UNC5D: variants seen among roughly 807,000 people sequenced by gnomAD.
The protein encoded by UNC5D is netrin receptor UNC5D.
In UNC5D, 39 loss-of-function variants were observed where a neutral mutation model predicts 105.4. That is an observed-to-expected ratio of 0.37 (90% CI 0.29 to 0.48). The LOEUF (loss-of-function observed/expected upper bound fraction) is 0.48. UNC5D is among the 20% of genes least tolerant of loss of function. UNC5D has a pLI of 0.98. For missense variants in UNC5D, 991 were observed against 1,202.4 expected, an observed-to-expected ratio of 0.82 and a Z score of 2.60; for synonymous variants, 452 against 450.4, an observed-to-expected ratio of 1.00 and a Z score of -0.04.
chr8:35,782,589 C>T (rs1266585484), intron 16 of UNC5D, among the ~76,000 whole-genome samples: 5 of 151,566 alleles, frequency 3.3e-5, no homozygotes, highest in African/African-American at 7.3e-5. Flanking sequence ...CTGCAACCTC[C>T]ACCTCCTGGG....
chr8:35,397,140 A>G (rs1185785067), intron 1 of UNC5D, among the ~76,000 whole-genome samples: 1 of 152,130 alleles, frequency 6.6e-6, no homozygotes, highest in African/African-American at 2.4e-5. Context: ...TCCTGACCTC[A>G]GGTGATGTGC....
intron 7 of UNC5D, among the ~76,000 whole-genome samples, chr8:35,700,700 A>T (rs1434316763): frequency 6.6e-6 from 1 of 152,182 alleles, no homozygotes; most frequent in Non-Finnish European, 1.5e-5. Context: ...TAATAGATTT[A>T]TCAGACTAGT....
At chr8:35,380,096 G>GGA (rs1802936952) in intron 1 of UNC5D, among the ~76,000 whole-genome samples, 1 of 87,542 alleles carries the variant, frequency 1.1e-5, no homozygotes. Flanking sequence ...GTGGGGGGGG[G>GGA]GTCGGGGAGA....
At chr8:35,742,915 C>T (rs905073246) in intron 11 of UNC5D, among the ~76,000 whole-genome samples, 1 of 152,158 alleles carries the variant, frequency 6.6e-6, no homozygotes, top group African/African-American at 2.4e-5. Context: ...TCATCATCCT[C>T]CACTGTGTGT....
intron 8 of UNC5D, among the ~76,000 whole-genome samples, chr8:35,708,966 G>T (rs1827772571): frequency 6.6e-6 from 1 of 152,036 alleles, no homozygotes; most frequent in African/African-American, 2.4e-5. Flanking sequence ...CATCAACTCA[G>T]TGTGTAGGGC....
At chr8:35,451,489 C>G (rs565520806) in intron 1 of UNC5D, among the ~76,000 whole-genome samples, 1 of 152,062 alleles carries the variant, frequency 6.6e-6, no homozygotes, top group Non-Finnish European at 1.5e-5. Context: ...GCATTGTTAT[C>G]CCAGTTTTAT....
At chr8:35,691,726 T>C (rs183270790) in intron 7 of UNC5D, among the ~76,000 whole-genome samples, 152 of 152,288 alleles carry the variant, frequency 1.0e-3, no homozygotes, top group African/African-American at 3.4e-3. Flanking sequence ...TTCCTGACCA[T>C]TGGACTTTCT....
At chr8:35,453,435 A>C (rs929190904) in intron 1 of UNC5D, among the ~76,000 whole-genome samples, 4 of 152,170 alleles carry the variant, frequency 2.6e-5, no homozygotes, top group Non-Finnish European at 5.9e-5. Context: ...GAAAGTTCAA[A>C]TTTCTGGCAA....
At chr8:35,536,263 AC>A (rs1814827861) in intron 1 of UNC5D, among the ~76,000 whole-genome samples, 1 of 152,230 alleles carries the variant, frequency 6.6e-6, no homozygotes, top group Admixed American at 6.5e-5. Flanking sequence ...GGACACTATT[AC>A]CATGTGGTGT....
intron 4 of UNC5D, among the ~76,000 whole-genome samples, chr8:35,635,401 T>C (rs2131099807): frequency 6.6e-6 from 1 of 152,332 alleles, no homozygotes; most frequent in South Asian, 2.1e-4. Flanking sequence ...GTTAAGTGTT[T>C]GTCATCTGCT....
chr8:35,329,067 A>G (rs148343299), intron 1 of UNC5D, among the ~76,000 whole-genome samples: 1 of 152,134 alleles, frequency 6.6e-6, no homozygotes, highest in African/African-American at 2.4e-5. Flanking sequence ...TCTCCAATTT[A>G]AAACAATGTT....
At chr8:35,607,708 A>G (rs1250616714) in intron 4 of UNC5D, among the ~76,000 whole-genome samples, 3 of 152,072 alleles carry the variant, frequency 2.0e-5, no homozygotes, top group African/African-American at 7.2e-5. Flanking sequence ...ACATTTTTGT[A>G]AAGGGCTTTT....
intron 11 of UNC5D, among the ~76,000 whole-genome samples, chr8:35,732,562 C>A (rs573990508): frequency 6.6e-6 from 1 of 152,156 alleles, no homozygotes; most frequent in African/African-American, 2.4e-5. Flanking sequence ...CCTTTTTTAC[C>A]CATTAGGTTG....
At chr8:35,784,256 A>T (rs1802637273) in intron 16 of UNC5D, among the ~76,000 whole-genome samples, 2 of 152,174 alleles carry the variant, frequency 1.3e-5, no homozygotes, top group Admixed American at 1.3e-4. Flanking sequence ...TTAATAAACC[A>T]TTAGTACTCA....
intron 1 of UNC5D, among the ~76,000 whole-genome samples, chr8:35,500,388 G>A (rs1811886258): frequency 6.6e-6 from 1 of 152,120 alleles, no homozygotes; most frequent in Non-Finnish European, 1.5e-5. Context: ...ATTCATGAGG[G>A]CAGAGAGATG....
In UNC5D at chr8:35,615,063, C is replaced by T. The variant is rs149406669; in HGVS notation, c.570+19406C>T. 7.7e-4 allele frequency among the ~76,000 whole-genome samples: 105 copies of T among 135,924 alleles called. 1 individual carries two copies. In the East Asian group the frequency reaches 0.021, roughly 27 times the overall value. The allele number at this position is 135,924 out of a possible 152,430, so 89.2% of individuals were successfully genotyped here. ...CCCCCCCCCCCCGTCCCCCACCCCC[C>T]GATCTCCACAAAACTAAAAAAATAA... On this transcript the variant is annotated intron_variant, in intron 4 of 16. Transcript: ENST00000404895.
chr8:35,706,323 A>G (rs189472431), intron 8 of UNC5D, among the ~76,000 whole-genome samples: 216 of 152,316 alleles, frequency 1.4e-3, no homozygotes, highest in African/African-American at 4.8e-3. Flanking sequence ...CCTGACTACA[A>G]GTCTCTCCAC....
chr8:35,759,594 T>C (rs1801427463), intron 14 of UNC5D, 125 bp downstream of exon 14: 1 of 1,120,782 alleles, frequency 8.9e-7, no homozygotes, highest in South Asian at 1.5e-5. Flanking sequence ...CTCAAAACTG[T>C]CACAGAAATG....
At chr8:35,677,057 CTG>C (rs149537228) in intron 4 of UNC5D, among the ~76,000 whole-genome samples, 5,889 of 152,144 alleles carry the variant, frequency 0.039, 352 homozygotes, top group African/African-American at 0.13. Context: ...TAATGATAGT[CTG>C]ACCCTAACTA....
Sources: allele counts gnomAD v4.1 joint callset (sites outside exome capture counted in the v4.1 genomes callset), GRCh38; gene constraint gnomAD v4.1.1; transcripts MANE v1.5; gene names NCBI Gene and HGNC (gene_info 2026-07-23, HGNC 2026-07-21).